The following SGTB variants were observed in gnomAD, a reference collection of about 807,000 sequenced individuals.
The protein encoded by SGTB is small glutamine rich tetratricopeptide repeat co-chaperone beta.
In SGTB, 19 loss-of-function variants were observed where a neutral mutation model predicts 43.9. That is an observed-to-expected ratio of 0.43 (90% CI 0.30 to 0.63). The LOEUF is 0.63. Ranked by LOEUF, SGTB falls within the 30% of genes least tolerant of loss-of-function variation. The probability of loss-of-function intolerance (pLI) is 0.12; values close to 1 mark genes in which losing one functional copy is unlikely to be tolerated. For synonymous variants in SGTB, 116 were observed against 117.3 expected (o/e 0.99, Z 0.07); for missense variants, 304 against 358.9 (o/e 0.85, Z 1.24).
intron 5 of SGTB, among the ~76,000 whole-genome samples, chr5:65,697,337 C>G (rs1401570660): frequency 6.6e-6 from 1 of 152,052 alleles, no homozygotes; most frequent in Non-Finnish European, 1.5e-5. Flanking sequence ...ATAGGTATTG[C>G]CAAAAATTTC....
intron 5 of SGTB, 146 bp from the exon 6 acceptor site, chr5:65,685,618 A>G (rs1757482816): frequency 1.7e-6 from 1 of 596,586 alleles, no homozygotes; most frequent in African/African-American, 1.8e-5. Context: ...TAAGATAATT[A>G]TGTAATAAAA....
intron 9 of SGTB, 58 bp downstream of exon 9, chr5:65,672,186 A>G (rs766263692): frequency 2.5e-6 from 4 of 1,607,890 alleles, no homozygotes; most frequent in East Asian, 2.2e-5. Flanking sequence ...TGCTCAAATT[A>G]GGAGCCTGGC....
At chr5:65,683,543 A>G (rs1757438473) in intron 6 of SGTB, among the ~76,000 whole-genome samples, 1 of 152,222 alleles carries the variant, frequency 6.6e-6, no homozygotes, top group African/African-American at 2.4e-5. Flanking sequence ...ACCCTAAAAT[A>G]CAGCATTGTT....
At chr5:65,691,852 A>G (rs1012017919) in intron 5 of SGTB, among the ~76,000 whole-genome samples, 2 of 150,892 alleles carry the variant, frequency 1.3e-5, no homozygotes, top group Non-Finnish European at 1.5e-5. Context: ...AATGGCGTGA[A>G]CCCGGGAGGC....
In SGTB at chr5:65,720,719, T is replaced by C. The variant is rs1758254595; in HGVS notation, c.89A>G (p.Glu30Gly). The part of the protein sequence containing the change: ...QMDTYTSDEQ[E>G]SLEVAIQCLE... ...GAGCAGATGCATACCTTCCAAACTTTCTTGTTCATCCGAGGTGTAAGTGTC... is the reference window on the plus strand; with the variant it reads ...GAGCAGATGCATACCTTCCAAACTTCCTTGTTCATCCGAGGTGTAAGTGTC... The change falls in exon 2 of 11, where the codon GAA (glutamate) becomes GGA (glycine). Residue 30 changes from glutamate to glycine, a missense_variant. Glu to Gly is a moderately conservative substitution (Grantham distance 98, BLOSUM62 -2). Coordinates refer to ENST00000381007, the MANE Select transcript of SGTB (RefSeq NM_019072.3). The C allele has an allele frequency of 6.2e-7, 1 of 1,613,324 alleles. No individual in the cohort carries two copies.
rs544465298 is a variant in SGTB, at chr5:65,668,953, G to A, written c.*1293C>T. The A allele has an allele frequency of 1.1e-4, 17 of 151,934 alleles. No individual in the cohort carries two copies. Among genetic ancestry groups the A allele is most frequent in the African/African-American group, 3.4e-4 (14 of 41,410 alleles). 9.4% of individuals were successfully genotyped at this position (151,934 alleles called of 1,614,324 possible). ...TTACTTCCTTTTTCAGTTTTCCCTC[G>A]TAAAACTTGTGAAGTCATTACATGT... On this transcript the variant is annotated 3_prime_UTR_variant, in exon 11 of 11. Coordinates refer to ENST00000381007, the MANE Select transcript of SGTB (RefSeq NM_019072.3).
intron 2 of SGTB, among the ~76,000 whole-genome samples, chr5:65,716,087 CAG>C (rs1304599095): frequency 1.3e-5 from 2 of 152,120 alleles, no homozygotes; most frequent in African/African-American, 4.8e-5. Flanking sequence ...GCAGGTTTAA[CAG>C]AGAGTTCAGG....
intron 5 of SGTB, among the ~76,000 whole-genome samples, chr5:65,700,298 G>C (rs916870724): frequency 4.6e-5 from 7 of 152,170 alleles, no homozygotes; most frequent in African/African-American, 1.7e-4. Context: ...TTTAACAGAA[G>C]AAATTTCAAA....
intron 5 of SGTB, among the ~76,000 whole-genome samples, chr5:65,694,306 C>G (rs1022321362): frequency 2.6e-5 from 4 of 151,982 alleles, no homozygotes; most frequent in Non-Finnish European, 5.9e-5. Flanking sequence ...GTGGCAGGAG[C>G]CTGTAGTCCC....
At chr5:65,718,329 T>C (rs907695253) in intron 2 of SGTB, among the ~76,000 whole-genome samples, 2 of 152,176 alleles carry the variant, frequency 1.3e-5, no homozygotes, top group African/African-American at 4.8e-5. Context: ...TGTATCCAGA[T>C]ATTGCAAAAT....
intron 1 of SGTB, among the ~76,000 whole-genome samples, chr5:65,721,089 A>G (rs1304666836): frequency 3.3e-5 from 5 of 152,250 alleles, no homozygotes; most frequent in African/African-American, 4.8e-5. Flanking sequence ...AATGTCTTCA[A>G]AACATGTACA....
At chr5:65,703,640 C>T (rs1006764724) in intron 5 of SGTB, among the ~76,000 whole-genome samples, 3 of 152,182 alleles carry the variant, frequency 2.0e-5, no homozygotes, top group South Asian at 2.1e-4. Flanking sequence ...GGGAGAATGA[C>T]TTGAACTCAG....
At chr5:65,711,407 G>A (rs1758044358) in intron 3 of SGTB, among the ~76,000 whole-genome samples, 1 of 152,044 alleles carries the variant, frequency 6.6e-6, no homozygotes, top group Non-Finnish European at 1.5e-5. Flanking sequence ...AGTCAATGGT[G>A]ACAGTAGCTA....
intron 5 of SGTB, among the ~76,000 whole-genome samples, chr5:65,695,034 G>GAAAC (rs1554024876): frequency 5.0e-5 from 1 of 20,190 alleles, no homozygotes; most frequent in Non-Finnish European, 1.2e-4. Flanking sequence ...TGGAACTACT[G>GAAAC]AAAGCAAGCA....
chr5:65,676,048 C>A (rs1184082082), intron 8 of SGTB, among the ~76,000 whole-genome samples: 1 of 151,818 alleles, frequency 6.6e-6, no homozygotes, highest in African/African-American at 2.4e-5. Context: ...AATGGCAAAC[C>A]AGATAAAAAA....
chr5:65,680,925 C>T (rs1274206970), intron 6 of SGTB, 131 bp from the exon 7 acceptor site: 10 of 1,037,236 alleles, frequency 9.6e-6, no homozygotes, highest in Non-Finnish European at 1.4e-5. Flanking sequence ...ATTCACTGTA[C>T]TATGGCTCAC....
chr5:65,709,411 G>A (rs1024412352), intron 3 of SGTB, among the ~76,000 whole-genome samples: 4 of 146,358 alleles, frequency 2.7e-5, no homozygotes, highest in East Asian at 4.0e-4. Flanking sequence ...ATGGAGTCTC[G>A]CTCTTTTGCC....
chr5:65,670,208 T>A lies in SGTB; in HGVS notation c.*38A>T. The A allele has an allele frequency of 6.3e-7, 1 of 1,586,510 alleles. No individual in the cohort carries two copies. The highest frequency in any genetic ancestry group is 1.7e-5 in the Admixed American group (1 of 59,868). On this transcript the variant is annotated 3_prime_UTR_variant, in exon 11 of 11. Transcript: ENST00000381007. ...ACAACAAATACTTCATTCATAGCCA[T>A]AAACCATTTGTATCTTGGGCTTGAG... is the stretch of plus-strand genomic sequence containing the variant.
At position 65,672,095 on chromosome 5, in the gene SGTB, C is replaced by T. The variant is rs1757170236; in HGVS notation, c.720-97G>A. 1.4e-5 allele frequency: 22 copies of T among 1,572,982 alleles called. No homozygotes were observed. In the South Asian group the frequency reaches 2.3e-4, roughly 17 times the overall value. On this transcript the variant is annotated intron_variant, in intron 9 of 10. Coordinates refer to ENST00000381007, the MANE Select transcript of SGTB (RefSeq NM_019072.3). ...AAGTTAATAAAATACCCATGTTATA[C>T]CAGAGGCTAGGCCAAATGTGTGTGG...
Sources: gnomAD v4.1 joint callset for allele counts (sites outside exome capture counted in the v4.1 genomes callset) on GRCh38, gnomAD v4.1.1 for gene constraint, MANE v1.5 for transcripts, NCBI Gene and HGNC (gene_info 2026-07-23, HGNC 2026-07-21) for gene names.